The following BAZ2B variants were observed in gnomAD, a reference collection of about 807,000 sequenced individuals.
BAZ2B encodes the protein bromodomain adjacent to zinc finger domain 2B, also known as bromodomain adjacent to zinc finger domain protein 2B.
In BAZ2B, 91 loss-of-function variants were observed where a neutral mutation model predicts 246.0. The ratio of observed to expected loss-of-function variants is 0.37; its 90% confidence interval spans 0.31 to 0.44. BAZ2B has a LOEUF of 0.44. Among genes scored for constraint, BAZ2B ranks in the 20% least tolerant of loss-of-function variants. BAZ2B has a pLI of 1.00. For missense variants in BAZ2B, 2,332 were observed against 2,533.7 expected, an observed-to-expected ratio of 0.92 and a Z score of 1.71; for synonymous variants, 855 against 860.0, an observed-to-expected ratio of 0.99 and a Z score of 0.10.
At chr2:159,499,995 T>C (rs2081546239) in intron 2 of BAZ2B, among the ~76,000 whole-genome samples, 1 of 152,224 alleles carries the variant, frequency 6.6e-6, no homozygotes. Context: ...ATAGTTTCTT[T>C]TACTGTGCAG....
chr2:159,662,595 G>A, the BAZ2B span, among the ~76,000 whole-genome samples: 1 of 152,164 alleles, frequency 6.6e-6, no homozygotes, highest in Non-Finnish European at 1.5e-5. Flanking sequence ...CGTGATCTCT[G>A]CTCACTGCAA....
intron 13 of BAZ2B, among the ~76,000 whole-genome samples, chr2:159,425,424 G>A (rs1288902478): frequency 6.6e-6 from 1 of 152,048 alleles, no homozygotes; most frequent in Non-Finnish European, 1.5e-5. Context: ...CAAGTGATCC[G>A]CCTGCCTCAG....
chr2:159,582,985 A>G (rs1687181146), intron 1 of BAZ2B, among the ~76,000 whole-genome samples: 1 of 152,200 alleles, frequency 6.6e-6, no homozygotes, highest in Admixed American at 6.5e-5. Context: ...TCAACAAAAA[A>G]TAATGTGTAT....
chr2:159,689,348 G>A, the BAZ2B span: 1 of 326,754 alleles, frequency 3.1e-6, no homozygotes, highest in Non-Finnish European at 5.7e-6. Flanking sequence ...TTCAAACTTG[G>A]GCTTCTTCAG....
intron 16 of BAZ2B, among the ~76,000 whole-genome samples, chr2:159,400,900 A>T (rs536836375): frequency 1.3e-5 from 2 of 152,044 alleles, no homozygotes; most frequent in Non-Finnish European, 1.5e-5. Flanking sequence ...AAAAATTAGC[A>T]GGGCTTGGTG....
the BAZ2B span, among the ~76,000 whole-genome samples, chr2:159,653,972 C>T: frequency 6.6e-6 from 1 of 151,936 alleles, no homozygotes; most frequent in Non-Finnish European, 1.5e-5. Context: ...TATAAAAAAG[C>T]ATTAAGTAGA....
the BAZ2B span, among the ~76,000 whole-genome samples, chr2:159,686,824 C>T: frequency 6.6e-6 from 1 of 152,026 alleles, no homozygotes; most frequent in Admixed American, 6.6e-5. Flanking sequence ...GGACGGATCA[C>T]AAGGTCAGGA....
chr2:159,642,653 A>G, the BAZ2B span, among the ~76,000 whole-genome samples: 1 of 152,246 alleles, frequency 6.6e-6, no homozygotes, highest in Non-Finnish European at 1.5e-5. Flanking sequence ...AAAAATGAAA[A>G]AAGATTACAA....
At chr2:159,367,472 C>T (rs1448845408) in intron 27 of BAZ2B, among the ~76,000 whole-genome samples, 1 of 152,060 alleles carries the variant, frequency 6.6e-6, no homozygotes, top group Non-Finnish European at 1.5e-5. Flanking sequence ...TATCTTCTCC[C>T]CATAATATTA....
chr2:159,321,991 C>A (rs979769904), intron 36 of BAZ2B: 2 of 152,058 alleles, frequency 1.3e-5, no homozygotes, highest in Admixed American at 6.6e-5. Flanking sequence ...ATGCCTGTAT[C>A]TCATGTAGTC....
chr2:159,365,657 C>T (rs2060141884), intron 27 of BAZ2B, among the ~76,000 whole-genome samples: 1 of 152,150 alleles, frequency 6.6e-6, no homozygotes, highest in East Asian at 1.9e-4. Flanking sequence ...TATGCTTATT[C>T]TGCAAGTGGG....
At position 159,438,468 on chromosome 2, in the gene BAZ2B, C is replaced by T. The variant is rs2072814528; in HGVS notation, c.1128G>A (p.Gln376=). ...TCACATTGGACACCAATCCCGTAGA[C>T]TGTATTACACTGGTGTGTTTGTTCA... ...ESVNKHTSVI[Q]STGLVSNVKP... is the part of the protein sequence containing the mutation. The change falls in exon 8 of 37, where the codon CAG becomes CAA. Residue 376 remains glutamine, a synonymous_variant. Coordinates refer to ENST00000392783, the MANE Select transcript of BAZ2B (RefSeq NM_013450.4). 1 of 1,614,062 alleles carries T rather than the reference C, an allele frequency of 6.2e-7. No individual in the cohort carries two copies. The highest frequency in any genetic ancestry group is 1.3e-5 in the African/African-American group (1 of 74,936).
intron 25 of BAZ2B, among the ~76,000 whole-genome samples, chr2:159,376,538 G>A (rs2061431720): frequency 6.6e-6 from 1 of 152,000 alleles, no homozygotes; most frequent in Non-Finnish European, 1.5e-5. Context: ...AATTCTATTT[G>A]GAATTAAAAG....
chr2:159,365,377 C>T (rs961569751), intron 27 of BAZ2B, among the ~76,000 whole-genome samples: 2 of 152,152 alleles, frequency 1.3e-5, no homozygotes, highest in Admixed American at 6.5e-5. Context: ...TGGTGAAGTT[C>T]CTTGGCACCT....
At chr2:159,331,025 A>G (rs1315346772) in intron 34 of BAZ2B, among the ~76,000 whole-genome samples, 1 of 152,210 alleles carries the variant, frequency 6.6e-6, no homozygotes, top group African/African-American at 2.4e-5. Context: ...GAGAGATAGC[A>G]GCACATCAGT....
chr2:159,651,550 A>G, the BAZ2B span, among the ~76,000 whole-genome samples: 1 of 152,162 alleles, frequency 6.6e-6, no homozygotes, highest in African/African-American at 2.4e-5. Context: ...GTAGGAAGAT[A>G]TAATTTTTTG....
At chr2:159,647,157 A>C in the BAZ2B span, among the ~76,000 whole-genome samples, 6 of 152,222 alleles carry the variant, frequency 3.9e-5, no homozygotes, top group African/African-American at 1.4e-4. Context: ...TTCTCCAGAG[A>C]AACAAAACCA....
At chr2:159,687,175 G>A in the BAZ2B span, among the ~76,000 whole-genome samples, 1 of 151,896 alleles carries the variant, frequency 6.6e-6, no homozygotes, top group Non-Finnish European at 1.5e-5. Context: ...TAGAGTATTT[G>A]GTTTTTGTCT....
At chr2:159,334,018 TA>T (rs2065218360) in intron 33 of BAZ2B, among the ~76,000 whole-genome samples, 1 of 152,146 alleles carries the variant, frequency 6.6e-6, no homozygotes, top group Admixed American at 6.5e-5. Flanking sequence ...GTTACATCGT[TA>T]AAACTTCTAT....
Sources: gnomAD v4.1 joint callset for allele counts (sites outside exome capture counted in the v4.1 genomes callset) on GRCh38, gnomAD v4.1.1 for gene constraint, MANE v1.5 for transcripts, NCBI Gene and HGNC (gene_info 2026-07-23, HGNC 2026-07-21) for gene names.